PRUNE1: variants seen among roughly 807,000 people sequenced by gnomAD.
PRUNE1 encodes the protein exopolyphosphatase PRUNE1.
A neutral mutation model predicts 42.5 loss-of-function variants in PRUNE1; 25 were observed. The ratio of observed to expected loss-of-function variants is 0.59; its 90% CI spans 0.43 to 0.82. The LOEUF is 0.82. Among genes scored for constraint, PRUNE1 ranks in the 40% least tolerant of loss-of-function variants. The pLI is 0.00. For missense variants in PRUNE1, 443 were observed against 539.3 expected (o/e 0.82, Z 1.77); for synonymous variants, 203 against 217.1 (o/e 0.93, Z 0.57).
At chr1:151,030,217 T>G (rs890040785) in intron 7 of PRUNE1, among the ~76,000 whole-genome samples, 1 of 148,692 alleles carries the variant, frequency 6.7e-6, no homozygotes, top group African/African-American at 2.5e-5. Context: ...GAGCCGAGAT[T>G]GCGCCACTGT....
At chr1:151,032,244 CAAAAAA>C (rs11452561) in intron 7 of PRUNE1, among the ~76,000 whole-genome samples, 1 of 144,682 alleles carries the variant, frequency 6.9e-6, no homozygotes, top group Non-Finnish European at 1.5e-5. Flanking sequence ...GAATCCATTT[CAAAAAA>C]AAAAAAATTA....
At chr1:151,028,967 AC>A in intron 7 of PRUNE1, 23 bp downstream of exon 7, 1 of 1,597,466 alleles carries the variant, frequency 6.3e-7, no homozygotes, top group Non-Finnish European at 8.6e-7. Context: ...CCCTTCTCCA[AC>A]CTAAGAGCCT....
At chr1:151,027,081 C>A in intron 5 of PRUNE1, 152 bp from the exon 6 acceptor site, 1 of 500,568 alleles carries the variant, frequency 2.0e-6, no homozygotes, top group East Asian at 3.5e-5. Context: ...TCACCGCGCC[C>A]GGCTATGATT....
chr1:151,033,688 C>T (rs1251480043), intron 7 of PRUNE1, 118 bp from the exon 8 acceptor site: 16 of 1,029,098 alleles, frequency 1.6e-5, no homozygotes, highest in Admixed American at 2.5e-5. Flanking sequence ...CCGCACCCCG[C>T]CCGGCCGACT....
intron 1 of PRUNE1, chr1:151,008,986 CA>C (rs1366437804): frequency 3.8e-5 from 20 of 529,220 alleles, no homozygotes; most frequent in Admixed American, 7.0e-5. Context: ...TCAGTTCCAT[CA>C]AAAAAACCAG....
chr1:151,020,093 A>G (rs1253160601), intron 3 of PRUNE1, among the ~76,000 whole-genome samples: 1 of 133,428 alleles, frequency 7.5e-6, no homozygotes, highest in East Asian at 2.5e-4. Context: ...TTGGCCTCCC[A>G]AAGTGGTGGG....
rs1357645583 is a variant in PRUNE1 at position 151,027,227 on chromosome 1, T to C, written c.680-6T>C. ...TTTGACCCCTAGTCTCTCATCTGCT[T>C]TCTAGGACTGACCACTGAGCAGATG... On this transcript the variant is annotated splice_polypyrimidine_tract_variant and splice_region_variant and intron_variant, in intron 5 of 7. Transcript: ENST00000271620. 5 of 1,599,082 alleles carry C rather than the reference T, an allele frequency of 3.1e-6. No individual in the cohort carries two copies. In the South Asian group the frequency reaches 5.5e-5, roughly 18 times the overall value.
chr1:151,008,697 A>G (rs1463947100), intron 1 of PRUNE1, 26 bp downstream of exon 1: 9 of 1,613,150 alleles, frequency 5.6e-6, no homozygotes, highest in Non-Finnish European at 6.8e-6. Flanking sequence ...CTGTGACTGT[A>G]AGGAATGGAG....
At position 151,008,495 on chromosome 1, in the gene PRUNE1, T is replaced by A; in HGVS notation, c.-138T>A. On this transcript the variant is annotated 5_prime_UTR_variant, in exon 1 of 8. Transcript: ENST00000271620. ...CGGGGTCGGAGGCCGATTCGCCGTGTGGCGGGTTCGAGTCCCGCCTCCTGA... is the reference window on the plus strand; with the variant it reads ...CGGGGTCGGAGGCCGATTCGCCGTGAGGCGGGTTCGAGTCCCGCCTCCTGA... 3 of 1,255,478 alleles carry A rather than the reference T, an allele frequency of 2.4e-6. 1 individual carries two copies. The highest frequency in any genetic ancestry group is 2.5e-5 in the South Asian group (2 of 80,242). 77.8% of individuals were successfully genotyped at this position (1,255,478 alleles called of 1,614,324 possible).
At chr1:151,021,820 T>TTGTGTGTGTGTG (rs587667625) in intron 3 of PRUNE1, among the ~76,000 whole-genome samples, 1 of 148,006 alleles carries the variant, frequency 6.8e-6, no homozygotes, top group Non-Finnish European at 1.5e-5. Context: ...CGGGATAATT[T>TTGTGTGTGTGTG]TGTGTGTGTG....
chr1:151,020,517 C>G (rs933562041), intron 3 of PRUNE1, among the ~76,000 whole-genome samples: 1 of 151,878 alleles, frequency 6.6e-6, no homozygotes, highest in African/African-American at 2.4e-5. Context: ...AAACCCAGCA[C>G]TTTGGGAGGG....
At chr1:151,027,179 T>C in intron 5 of PRUNE1, 54 bp from the exon 6 acceptor site, 1 of 1,367,198 alleles carries the variant, frequency 7.3e-7, no homozygotes. Context: ...GCCTTCTTGG[T>C]CTTGGGACCC....
At chr1:151,033,061 A>G (rs1280153745) in intron 7 of PRUNE1, among the ~76,000 whole-genome samples, 1 of 148,660 alleles carries the variant, frequency 6.7e-6, no homozygotes, top group African/African-American at 2.5e-5. Flanking sequence ...GGCGTGAGCC[A>G]CTGTGCCCGG....
At chr1:151,026,847 C>CTTTTTTTT (rs766393235) in intron 5 of PRUNE1, among the ~76,000 whole-genome samples, 24 of 128,628 alleles carry the variant, frequency 1.9e-4, no homozygotes, top group African/African-American at 3.4e-4. Context: ...TTCTTTCTTT[C>CTTTTTTTT]TTTTTTTTTT....
At chr1:151,020,442 G>T (rs587601230) in intron 3 of PRUNE1, among the ~76,000 whole-genome samples, 54 of 149,848 alleles carry the variant, frequency 3.6e-4, no homozygotes, top group African/African-American at 1.3e-3. Flanking sequence ...GACAGGGCAA[G>T]AACTTGTCTC....
At chr1:151,019,876 T>G (rs141394190) in intron 3 of PRUNE1, among the ~76,000 whole-genome samples, 2,738 of 150,654 alleles carry the variant, frequency 0.018, 60 homozygotes, top group African/African-American at 0.051. Flanking sequence ...CACCCAGGCT[T>G]CAGTGCAGTG....
At chr1:151,028,721 C>T in intron 6 of PRUNE1, 65 bp from the exon 7 acceptor site, 1 of 1,551,600 alleles carries the variant, frequency 6.4e-7, no homozygotes, top group Non-Finnish European at 8.8e-7. Context: ...CCGTGCCCGG[C>T]CCAAGGATGT....
At chr1:151,011,130 T>C (rs1673748300) in intron 1 of PRUNE1, among the ~76,000 whole-genome samples, 1 of 152,238 alleles carries the variant, frequency 6.6e-6, no homozygotes, top group African/African-American at 2.4e-5. Context: ...TTTAGACAGA[T>C]ACACTCTTAA....
chr1:151,017,805 T>A lies in PRUNE1; in HGVS notation c.40-7T>A. ...TTTGTTAGTTTCCCATTTTCCTTTC[T>A]CTCCAGGAGTCCCGACCTCTACATG... On this transcript the variant is annotated splice_polypyrimidine_tract_variant and splice_region_variant and intron_variant, in intron 1 of 7. Transcript: ENST00000271620. 6.5e-7 allele frequency: 1 copy of A among 1,542,672 alleles called. No individual in the cohort carries two copies. Among genetic ancestry groups the A allele is most frequent in the African/African-American group, 1.4e-5 (1 of 73,140 alleles).
Sources: allele counts gnomAD v4.1 joint callset (sites outside exome capture counted in the v4.1 genomes callset), GRCh38; gene constraint gnomAD v4.1.1; transcripts MANE v1.5; gene names NCBI Gene and HGNC (gene_info 2026-07-23, HGNC 2026-07-21).